The following AMZ1 variants were observed in gnomAD, a reference collection of about 807,000 sequenced individuals.
AMZ1 encodes the protein archaelysin family metallopeptidase 1, also known as archaemetzincin-1.
AMZ1 carries 39 observed loss-of-function variants against 29.9 expected under a neutral mutation model. The observed-to-expected ratio is 1.30, with a 90% CI of 1.01 to 1.70. The LOEUF (loss-of-function observed/expected upper bound fraction) is 1.70, where lower values mean the gene tolerates loss of function less well. Ranked by LOEUF, AMZ1 falls within the 40% of genes most tolerant of loss-of-function variation. The pLI, the probability that AMZ1 is intolerant of heterozygous loss-of-function variation, is 0.00. For missense variants in AMZ1, 1,041 were observed against 680.6 expected, an observed-to-expected ratio of 1.53 and a Z score of -5.89; for synonymous variants, 458 against 304.0, an observed-to-expected ratio of 1.51 and a Z score of -5.27.
In AMZ1 at chr7:2,712,725, G is replaced by C; in HGVS notation, c.1344G>C (p.Pro448=). The C allele has an allele frequency of 6.2e-7, 1 of 1,608,524 alleles. No homozygotes were observed. The highest frequency in any genetic ancestry group is 8.5e-7 in the Non-Finnish European group (1 of 1,177,346). ...GGGAGATGTTCACGGGCCAGCTCCC[G>C]GCCACCAGGCAGGACCCACCCAGCA... ...DRWEMFTGQL[P]ATRQDPPSSR... is the part of the protein sequence containing the mutation. The change falls in exon 7 of 7, where the codon CCG becomes CCC. Residue 448 remains proline, a synonymous_variant. Coordinates refer to ENST00000683327, the MANE Select transcript of AMZ1 (RefSeq NM_001384743.1).
intron 3 of AMZ1, 141 bp from the exon 4 acceptor site, chr7:2,708,446 AC>A: frequency 7.6e-7 from 1 of 1,308,642 alleles, no homozygotes; most frequent in Non-Finnish European, 1.0e-6. Flanking sequence ...CTCAGGTCAC[AC>A]CAAACGCTGG....
At chr7:2,761,112 C>CGGCTGTGG, upstream of AMZ1, among the ~76,000 whole-genome samples, 1 of 152,216 alleles carries the variant, frequency 6.6e-6, no homozygotes, top group Non-Finnish European at 1.5e-5. Flanking sequence ...GTCTGGCTCT[C>CGGCTGTGG]GGCTGTGGGG....
intron 4 of AMZ1, 45 bp downstream of exon 4, chr7:2,708,761 T>A (rs747457800): frequency 1.2e-6 from 2 of 1,609,596 alleles, no homozygotes; most frequent in African/African-American, 1.3e-5. Flanking sequence ...TAGCCTGGCA[T>A]GGGGCTGTGG....
At chr7:2,689,476 G>A (rs1787259120) in intron 1 of AMZ1, among the ~76,000 whole-genome samples, 1 of 152,208 alleles carries the variant, frequency 6.6e-6, no homozygotes, top group South Asian at 2.1e-4. Flanking sequence ...ATAGCAGCAG[G>A]GCTGGAACTC....
chr7:2,755,484 A>G (rs1257856400), intron 4 of AMZ1, among the ~76,000 whole-genome samples: 2 of 152,196 alleles, frequency 1.3e-5, no homozygotes, highest in African/African-American at 4.8e-5. Flanking sequence ...ACACCACAGT[A>G]TTTCATTTTT....
At chr7:2,686,874 C>G (rs1182284678), upstream of AMZ1, among the ~76,000 whole-genome samples, 1 of 152,164 alleles carries the variant, frequency 6.6e-6, no homozygotes, top group South Asian at 2.1e-4. Context: ...GCCACCACGC[C>G]CAGCTAATTT....
Position 2,727,328 on chromosome 7 carries a change from C to A in AMZ1, n.550+17512C>A, listed in dbSNP as rs189721564. ...ATCTCTTGACCTTGTGATCCGCTCG[C>A]CTCGGACTCTCAAAGTGCTGGGATT... On this transcript the variant is annotated intron_variant and non_coding_transcript_variant, in intron 4 of 4. Coordinates refer to the AMZ1 transcript ENST00000489665. Among the ~76,000 whole-genome samples, 1,111 of 152,296 alleles carry A rather than the reference C, an allele frequency of 7.3e-3. 2 individuals are homozygous for A. Among genetic ancestry groups the A allele is most frequent in the Non-Finnish European group, 0.012 (831 of 68,028 alleles).
intron 4 of AMZ1, among the ~76,000 whole-genome samples, chr7:2,750,291 A>G (rs1207496861): frequency 1.3e-5 from 2 of 152,222 alleles, no homozygotes; most frequent in Non-Finnish European, 2.9e-5. Context: ...CCCAAACTGC[A>G]GAGGCAGACA....
At chr7:2,706,007 G>A (rs1731067778) in intron 3 of AMZ1, among the ~76,000 whole-genome samples, 1 of 152,176 alleles carries the variant, frequency 6.6e-6, no homozygotes, top group African/African-American at 2.4e-5. Flanking sequence ...GTCACTCCAG[G>A]GCTTTCCACC....
intron 3 of AMZ1, among the ~76,000 whole-genome samples, chr7:2,703,258 C>G (rs1788166015): frequency 6.6e-6 from 1 of 152,144 alleles, no homozygotes; most frequent in Non-Finnish European, 1.5e-5. Flanking sequence ...ATTCTCCTGC[C>G]TCAGCCTTCT....
chr7:2,716,076 C>CT lies in AMZ1; in HGVS notation c.*3199dup, dbSNP rs1267919891. The stretch of plus-strand genomic sequence containing the variant: ...GCCAAGTCAGCGGGGCCTCATGGAG[C>CT]TAAAAATAGTTTCAGGTCATGACAG... On this transcript the variant is annotated 3_prime_UTR_variant, in exon 7 of 7. Transcript: ENST00000683327. 1 of 152,182 alleles carries CT rather than the reference C, an allele frequency of 6.6e-6. No individual in the cohort carries two copies. The highest frequency in any genetic ancestry group is 6.5e-5 in the Admixed American group (1 of 15,278). The allele number at this position is 152,182 out of a possible 1,614,324, so 9.4% of individuals were successfully genotyped here.
chr7:2,686,521 A>G (rs922071256), upstream of AMZ1, among the ~76,000 whole-genome samples: 2 of 152,202 alleles, frequency 1.3e-5, no homozygotes, highest in African/African-American at 4.8e-5. Flanking sequence ...GCAATAGAGC[A>G]AGATCCTGTC....
chr7:2,746,086 C>G (rs537624615), intron 4 of AMZ1, among the ~76,000 whole-genome samples: 10 of 152,234 alleles, frequency 6.6e-5, no homozygotes, highest in Admixed American at 5.9e-4. Flanking sequence ...CTTTAACACC[C>G]CACTGTCAAC....
At position 2,713,907 on chromosome 7, in the gene AMZ1, G is replaced by C. The variant is rs1448147482; in HGVS notation, c.*1029G>C. ...GCTGGAGGTGGTGATCAGATGATCT[G>C]TCTTTCCTTTTTTTTTCGGTCTAGT... On this transcript the variant is annotated 3_prime_UTR_variant, in exon 7 of 7. Transcript: ENST00000683327. 1 of 152,194 alleles carries C rather than the reference G, an allele frequency of 6.6e-6. No homozygotes were observed. Among genetic ancestry groups the C allele is most frequent in the Non-Finnish European group, 1.5e-5 (1 of 68,040 alleles). The allele number at this position is 152,194 out of a possible 1,614,324, so 9.4% of individuals were successfully genotyped here.
chr7:2,738,429 AAGG>A (rs1391966493), intron 4 of AMZ1, among the ~76,000 whole-genome samples: 2 of 152,218 alleles, frequency 1.3e-5, no homozygotes, highest in Non-Finnish European at 2.9e-5. Context: ...CGCACCGGCG[AAGG>A]AGAAGAGCTC....
At chr7:2,725,983 A>C (rs1331486657) in intron 4 of AMZ1, among the ~76,000 whole-genome samples, 1 of 152,208 alleles carries the variant, frequency 6.6e-6, no homozygotes, top group Non-Finnish European at 1.5e-5. Flanking sequence ...GCTTCAAGGA[A>C]ACACCAGGAT....
rs976655623 is a variant in AMZ1, at chr7:2,731,962, A to G, written n.550+22146A>G. 9.9e-5 allele frequency among the ~76,000 whole-genome samples: 15 copies of G among 152,246 alleles called. No individual in the cohort carries two copies. The highest frequency in any genetic ancestry group is 3.6e-4 in the African/African-American group (15 of 41,466). Reference sequence around the variant, plus strand: ...TTCATTTCAAAACGAACGGAGGCTCACCAGTCTGAGGACGAATGCTCAGAA... The same window carrying G: ...TTCATTTCAAAACGAACGGAGGCTCGCCAGTCTGAGGACGAATGCTCAGAA... On this transcript the variant is annotated intron_variant and non_coding_transcript_variant, in intron 4 of 4. Coordinates refer to the AMZ1 transcript ENST00000489665. The surrounding 1 kb of genome is among the most constrained non-coding windows in gnomAD (Gnocchi z 6.0).
chr7:2,712,687 G>T lies in AMZ1; in HGVS notation c.1306G>T (p.Ala436Ser). Residue 436 changes from alanine (A) to serine (S), a missense_variant, in exon 7 of 7, where the codon GCC (alanine) becomes TCC (serine). Ala to Ser is a moderately conservative substitution (Grantham distance 99). Coordinates refer to ENST00000683327, the MANE Select transcript of AMZ1 (RefSeq NM_001384743.1). ...DLVQVDRAVDALDRWEMFTGQ... is the reference protein window; with the variant it reads ...DLVQVDRAVDSLDRWEMFTGQ... ...GGTGCAGGTGGACAGAGCCGTGGAC[G>T]CCCTCGACCGCTGGGAGATGTTCAC... 2 of 1,612,298 alleles carry T rather than the reference G, an allele frequency of 1.2e-6. No homozygotes were observed. The highest frequency in any genetic ancestry group is 2.7e-5 in the African/African-American group (2 of 75,020).
chr7:2,737,875 G>C (rs550100567), intron 4 of AMZ1, among the ~76,000 whole-genome samples: 5 of 152,272 alleles, frequency 3.3e-5, no homozygotes, highest in Non-Finnish European at 4.4e-5. Flanking sequence ...CCAAACAACA[G>C]AGAATCTTTC....
Sources: gnomAD v4.1 joint callset for allele counts (sites outside exome capture counted in the v4.1 genomes callset) on GRCh38, gnomAD v4.1.1 for gene constraint, Gnocchi (gnomAD v3.1) non-coding constraint, MANE v1.5 for transcripts, NCBI Gene and HGNC (gene_info 2026-07-23, HGNC 2026-07-21) for gene names.